The following SVEP1 variants were observed in gnomAD, a reference collection of about 807,000 sequenced individuals.
The protein encoded by SVEP1 is sushi, von Willebrand factor type A, EGF and pentraxin domain containing 1.
A neutral mutation model predicts 367.3 loss-of-function variants in SVEP1; 164 were observed. The observed-to-expected ratio is 0.45, with a 90% CI of 0.39 to 0.51. The LOEUF is 0.51. Among genes scored for constraint, SVEP1 ranks in the 20% least tolerant of loss-of-function variants. The pLI is 0.00. For missense variants in SVEP1, 4,117 were observed against 4,425.3 expected, an observed-to-expected ratio of 0.93 and a Z score of 1.98; for synonymous variants, 1,666 against 1,611.6, an observed-to-expected ratio of 1.03 and a Z score of -0.81.
intron 8 of SVEP1, among the ~76,000 whole-genome samples, chr9:110,493,897 C>T (rs1829407692): frequency 6.6e-6 from 1 of 152,170 alleles, no homozygotes; most frequent in Admixed American, 6.6e-5. Flanking sequence ...TGTTTCCTTG[C>T]CTCTTCTAGC....
intron 3 of SVEP1, among the ~76,000 whole-genome samples, chr9:110,530,717 T>C (rs1830007777): frequency 1.3e-5 from 2 of 151,832 alleles, no homozygotes; most frequent in South Asian, 4.1e-4. Context: ...TTGTATTTTT[T>C]GTAGAGACGG....
chr9:110,479,316 C>G (rs559633671), intron 13 of SVEP1, among the ~76,000 whole-genome samples: 2 of 152,240 alleles, frequency 1.3e-5, no homozygotes, highest in East Asian at 3.9e-4. Flanking sequence ...CAATTATCTT[C>G]TTATCATAAA....
In SVEP1 at chr9:110,496,926, C is replaced by T. The variant is rs1224438775; in HGVS notation, c.1689G>A (p.Glu563=). The T allele has an allele frequency of 1.3e-6, 2 of 1,542,008 alleles. No individual in the cohort carries two copies. The highest frequency in any genetic ancestry group is 1.8e-6 in the Non-Finnish European group (2 of 1,139,860). Residue 563 remains glutamate (E), a synonymous_variant, in exon 8 of 48, where the codon GAG becomes GAA. Coordinates refer to ENST00000374469, the MANE Select transcript of SVEP1 (RefSeq NM_153366.4). ...CCTTAGGACAGTTGATTTGAGGAGC[C>T]TCCACGTCTAACTCAGAAAAATACA... The part of the protein sequence containing the change: ...GVQAAVCKDV[E]APQINCPKDI...
chr9:110,433,749 A>G (rs1266808624), intron 30 of SVEP1, among the ~76,000 whole-genome samples: 4 of 151,904 alleles, frequency 2.6e-5, no homozygotes, highest in Admixed American at 1.3e-4. Flanking sequence ...GGGATTACAA[A>G]TGTGAGCCAC....
chr9:110,520,982 AG>A (rs2118791904), intron 3 of SVEP1, among the ~76,000 whole-genome samples: 1 of 152,298 alleles, frequency 6.6e-6, no homozygotes, highest in East Asian at 1.9e-4. Flanking sequence ...TAAATAGGTA[AG>A]AAACCAAGCA....
intron 11 of SVEP1, 21 bp from the exon 12 acceptor site, chr9:110,481,457 T>C: frequency 1.4e-6 from 2 of 1,481,338 alleles, no homozygotes; most frequent in South Asian, 2.9e-5. Context: ...AAAATTGTAC[T>C]ATTCATATAT....
rs967740689 is a variant in SVEP1 at position 110,486,093 on chromosome 9, C to T, written c.1931-2400G>A. Among the ~76,000 whole-genome samples, 3 of 151,982 alleles carry T rather than the reference C, an allele frequency of 2.0e-5. No individual in the cohort carries two copies. The East Asian group carries it at 5.8e-4, about 29-fold the overall frequency. ...TCCACTAGATAGCACAGCATCTGGC[C>T]TATAACAGGTGCTCAAACAAGTTGC... On this transcript the variant is annotated intron_variant, in intron 9 of 47. Coordinates refer to ENST00000374469, the MANE Select transcript of SVEP1 (RefSeq NM_153366.4).
intron 1 of SVEP1, among the ~76,000 whole-genome samples, chr9:110,565,969 AG>A (rs2118876277): frequency 6.6e-6 from 1 of 152,084 alleles, no homozygotes; most frequent in Non-Finnish European, 1.5e-5. Flanking sequence ...CACCTGGTCA[AG>A]TTACTTACAT....
chr9:110,447,554 T>C (rs1828622116), intron 24 of SVEP1, among the ~76,000 whole-genome samples: 2 of 152,236 alleles, frequency 1.3e-5, no homozygotes, highest in Non-Finnish European at 2.9e-5. Flanking sequence ...CAGGATGCTA[T>C]ATAGTTTCTG....
At chr9:110,431,825 T>C in intron 32 of SVEP1, 90 bp downstream of exon 32, 1 of 1,522,894 alleles carries the variant, frequency 6.6e-7, no homozygotes, top group East Asian at 2.4e-5. Context: ...GTTGAAACAA[T>C]TATCTCACTT....
intron 42 of SVEP1, among the ~76,000 whole-genome samples, chr9:110,386,324 G>A (rs1827521134): frequency 6.6e-6 from 1 of 152,164 alleles, no homozygotes; most frequent in South Asian, 2.1e-4. Context: ...CCTAAAAGTT[G>A]AAGATGACAA....
chr9:110,366,446 T>C lies in SVEP1; in HGVS notation c.*93A>G, dbSNP rs1445182241. On this transcript the variant is annotated 3_prime_UTR_variant, in exon 48 of 48. Transcript: ENST00000374469. ...GTTTACTAAACAAGACCCAGCACCA[T>C]GTTGGACTTTCTTTGCATAAGTTCC... The C allele has an allele frequency of 2.3e-6, 3 of 1,320,644 alleles. No homozygotes were observed. Among genetic ancestry groups the C allele is most frequent in the Non-Finnish European group, 2.0e-6 (2 of 991,526 alleles). 81.8% of individuals were successfully genotyped at this position (1,320,644 alleles called of 1,614,324 possible). A position where few individuals can be genotyped will look rare whatever the true frequency, so the allele number is the denominator to read the frequency against.
At chr9:110,544,107 AAG>A (rs1410219969) in intron 3 of SVEP1, among the ~76,000 whole-genome samples, 2 of 152,076 alleles carry the variant, frequency 1.3e-5, no homozygotes, top group Non-Finnish European at 2.9e-5. Flanking sequence ...AGAGGAGTAA[AAG>A]AAAGATGCAA....
intron 18 of SVEP1, among the ~76,000 whole-genome samples, chr9:110,459,816 ATTAG>A (rs907368617): frequency 6.6e-6 from 1 of 152,070 alleles, no homozygotes; most frequent in Non-Finnish European, 1.5e-5. Context: ...TGAAAACGGA[ATTAG>A]TTATTTTAAT....
chr9:110,501,163 A>G (rs915065362), intron 6 of SVEP1, among the ~76,000 whole-genome samples: 4 of 148,130 alleles, frequency 2.7e-5, no homozygotes, highest in African/African-American at 9.8e-5. Flanking sequence ...AATATATACA[A>G]ATTAATATAA....
chr9:110,429,778 A>G (rs1003668808), intron 34 of SVEP1, 142 bp downstream of exon 34: 21 of 660,152 alleles, frequency 3.2e-5, no homozygotes, highest in Non-Finnish European at 4.9e-5. Flanking sequence ...ATTTGTTCAC[A>G]CTATGTATCA....
intron 1 of SVEP1, among the ~76,000 whole-genome samples, chr9:110,562,696 T>C (rs1830447146): frequency 6.6e-6 from 1 of 152,082 alleles, no homozygotes; most frequent in Non-Finnish European, 1.5e-5. Flanking sequence ...TTATTATTAT[T>C]ATTATTTTTG....
intron 43 of SVEP1, among the ~76,000 whole-genome samples, chr9:110,382,099 T>C (rs1346033369): frequency 6.6e-6 from 1 of 152,190 alleles, no homozygotes; most frequent in Non-Finnish European, 1.5e-5. Flanking sequence ...CATTGTTATG[T>C]GTGAATTTGA....
At position 110,377,042 on chromosome 9, in the gene SVEP1, A is replaced by G. The variant is rs531698402; in HGVS notation, c.10504+229T>C. 12 of 391,388 alleles carry G rather than the reference A, an allele frequency of 3.1e-5. No individual in the cohort carries two copies. The East Asian group carries it at 4.2e-4, about 14-fold the overall frequency. The allele number at this position is 391,388 out of a possible 1,614,324, so 24.2% of individuals were successfully genotyped here. ...AGACTTTTGCAAATTTGTGCCAGGG[A>G]ACATGTGAAAATGACTTTAGATGGA... On this transcript the variant is annotated intron_variant, in intron 45 of 47. Transcript: ENST00000374469.
Sources: gnomAD v4.1 joint callset for allele counts (sites outside exome capture counted in the v4.1 genomes callset) on GRCh38, gnomAD v4.1.1 for gene constraint, MANE v1.5 for transcripts, NCBI Gene and HGNC (gene_info 2026-07-23, HGNC 2026-07-21) for gene names.